The following MRTFA variants were observed in gnomAD, a reference collection of about 807,000 sequenced individuals.
The protein encoded by MRTFA is myocardin-related transcription factor A.
Under a neutral mutation model 83.5 loss-of-function variants are expected in MRTFA, and 20 were observed. The ratio of observed to expected loss-of-function variants is 0.24; its 90% CI spans 0.17 to 0.35. The LOEUF (loss-of-function observed/expected upper bound fraction) is 0.35. MRTFA is among the 10% of genes least tolerant of loss of function. MRTFA has a pLI of 1.00. For missense variants in MRTFA, 1,200 were observed against 1,224.7 expected (o/e 0.98, Z 0.30); for synonymous variants, 659 against 541.2 (o/e 1.22, Z -3.02).
intron 2 of MRTFA, among the ~76,000 whole-genome samples, chr22:40,559,100 A>G (rs923917099): frequency 2.6e-5 from 4 of 152,112 alleles, no homozygotes; most frequent in Admixed American, 1.3e-4. Context: ...TTTAAAAATA[A>G]TGTTTCACCC....
At chr22:40,436,275 A>C (rs1337253059) in intron 4 of MRTFA, 3 of 154,400 alleles carry the variant, frequency 1.9e-5, no homozygotes, top group Non-Finnish European at 4.4e-5. Flanking sequence ...ATGCATGCCA[A>C]ATTAACCTTA....
intron 3 of MRTFA, among the ~76,000 whole-genome samples, chr22:40,470,092 C>T (rs1160164987): frequency 2.0e-5 from 3 of 150,716 alleles, no homozygotes; most frequent in Non-Finnish European, 3.0e-5. Context: ...AGCATGGCGG[C>T]GGGTGCCTAT....
intron 3 of MRTFA, among the ~76,000 whole-genome samples, chr22:40,535,481 T>G (rs2147282826): frequency 6.7e-6 from 1 of 149,240 alleles, no homozygotes; most frequent in East Asian, 2.0e-4. Context: ...GCCTCCCAAG[T>G]AGCTGGGACT....
At chr22:40,608,990 T>C (rs1261686711) in intron 1 of MRTFA, among the ~76,000 whole-genome samples, 1 of 152,088 alleles carries the variant, frequency 6.6e-6, no homozygotes, top group Non-Finnish European at 1.5e-5. Flanking sequence ...ACGTTGTTGG[T>C]AGGAATATAA....
rs527594952 is a variant in MRTFA at position 40,422,436 on chromosome 22, G to A, written c.927+1100C>T. On this transcript the variant is annotated intron_variant, in intron 9 of 14. Transcript: ENST00000355630. ...AGGAGAAGCACATTGGAGGAACTCTGGGGGAAAAGCAGGGACACCTGCTGA... is the reference window on the plus strand; with the variant it reads ...AGGAGAAGCACATTGGAGGAACTCTAGGGGAAAAGCAGGGACACCTGCTGA... 4.6e-5 allele frequency among the ~76,000 whole-genome samples: 7 copies of A among 152,328 alleles called. No homozygotes were observed. In the East Asian group the frequency reaches 1.3e-3, roughly 29 times the overall value.
chr22:40,414,529 G>GT (rs2052635058), intron 14 of MRTFA, among the ~76,000 whole-genome samples: 1 of 152,152 alleles, frequency 6.6e-6, no homozygotes, highest in South Asian at 2.1e-4. Flanking sequence ...ACACTACAGG[G>GT]TATGATTCAG....
chr22:40,571,944 A>G (rs921197926), intron 2 of MRTFA, among the ~76,000 whole-genome samples: 2 of 150,184 alleles, frequency 1.3e-5, no homozygotes, highest in African/African-American at 2.4e-5. Context: ...AAAAAAAAAA[A>G]AAGAAGAGGG....
chr22:40,429,591 C>G lies in MRTFA; in HGVS notation c.601+15G>C, dbSNP rs755189173. 6.2e-7 allele frequency: 1 copy of G among 1,614,126 alleles called. No homozygotes were observed. Among genetic ancestry groups the G allele is most frequent in the East Asian group, 2.2e-5 (1 of 44,880 alleles). On this transcript the variant is annotated intron_variant, in intron 7 of 14. Coordinates refer to ENST00000355630, the MANE Select transcript of MRTFA (RefSeq NM_020831.6). ...CTCAGCTGCCTCTCACACAGGGTGG[C>G]TGGGTCCTCCTCACCAATGATGGCT... is the stretch of plus-strand genomic sequence containing the variant.
chr22:40,526,005 C>T (rs1245749886), intron 3 of MRTFA, among the ~76,000 whole-genome samples: 1 of 151,520 alleles, frequency 6.6e-6, no homozygotes, highest in East Asian at 1.9e-4. Context: ...GTGCGCCTAA[C>T]TAAAAAAGTA....
chr22:40,434,293 T>A (rs2053125040), intron 5 of MRTFA, among the ~76,000 whole-genome samples: 1 of 151,880 alleles, frequency 6.6e-6, no homozygotes, highest in African/African-American at 2.4e-5. Flanking sequence ...GTTACTCCTT[T>A]GGTTCCCAGG....
At chr22:40,493,684 G>A (rs1460812913) in intron 3 of MRTFA, among the ~76,000 whole-genome samples, 2 of 152,194 alleles carry the variant, frequency 1.3e-5, no homozygotes, top group Non-Finnish European at 2.9e-5. Flanking sequence ...CATCAAGGAT[G>A]AGGAGCAACT....
intron 7 of MRTFA, among the ~76,000 whole-genome samples, chr22:40,428,642 C>T (rs2053003824): frequency 6.6e-6 from 1 of 152,156 alleles, no homozygotes; most frequent in African/African-American, 2.4e-5. Context: ...GCCTCCTGAG[C>T]AGCTGGGATT....
chr22:40,430,179 C>T (rs1349094031), intron 6 of MRTFA, among the ~76,000 whole-genome samples: 2 of 152,140 alleles, frequency 1.3e-5, no homozygotes, highest in Non-Finnish European at 2.9e-5. Flanking sequence ...TCTTCCAGCC[C>T]CAAAAACAGC....
At chr22:40,422,253 C>A (rs2052856875) in intron 9 of MRTFA, among the ~76,000 whole-genome samples, 1 of 152,126 alleles carries the variant, frequency 6.6e-6, no homozygotes, top group African/African-American at 2.4e-5. Flanking sequence ...GGAACCCCAA[C>A]AGCTGGGCCA....
At chr22:40,455,833 TA>T (rs2053576925) in intron 4 of MRTFA, among the ~76,000 whole-genome samples, 1 of 151,528 alleles carries the variant, frequency 6.6e-6, no homozygotes, top group African/African-American at 2.4e-5. Context: ...TGTATGTATG[TA>T]TGTATGTATG....
intron 3 of MRTFA, among the ~76,000 whole-genome samples, chr22:40,540,189 G>C (rs1314202656): frequency 1.3e-5 from 2 of 152,104 alleles, no homozygotes; most frequent in Non-Finnish European, 2.9e-5. Context: ...TAGGATTACA[G>C]ATGTAAGCCA....
intron 3 of MRTFA, among the ~76,000 whole-genome samples, chr22:40,492,262 G>C (rs1256291961): frequency 6.6e-6 from 1 of 152,196 alleles, no homozygotes; most frequent in Non-Finnish European, 1.5e-5. Context: ...TCATTCTACA[G>C]TGCAAAGGGT....
chr22:40,527,982 C>A (rs963086669), intron 3 of MRTFA, among the ~76,000 whole-genome samples: 5 of 152,104 alleles, frequency 3.3e-5, no homozygotes, highest in African/African-American at 9.7e-5. Context: ...CGTCCTAACT[C>A]TAAGGGGACT....
At chr22:40,476,122 C>T (rs779969007) in intron 3 of MRTFA, among the ~76,000 whole-genome samples, 1 of 145,054 alleles carries the variant, frequency 6.9e-6, no homozygotes, top group African/African-American at 2.5e-5. Flanking sequence ...CCAACCTGGG[C>T]GACAGAGCAA....
Sources: allele counts gnomAD v4.1 joint callset (sites outside exome capture counted in the v4.1 genomes callset), GRCh38; gene constraint gnomAD v4.1.1; transcripts MANE v1.5; gene names NCBI Gene and HGNC (gene_info 2026-07-23, HGNC 2026-07-21).